Variants in COL6A1 observed in about 807,000 individuals in gnomAD.
COL6A1 encodes the protein collagen alpha-1(VI) chain.
COL6A1 carries 80 observed loss-of-function variants against 145.6 expected under a neutral mutation model. The observed-to-expected ratio is 0.55, with a 90% CI of 0.46 to 0.66. The LOEUF is 0.66. Among genes scored for constraint, COL6A1 ranks in the 30% least tolerant of loss-of-function variants. The probability of loss-of-function intolerance (pLI) is 0.00; values close to 1 mark genes in which losing one functional copy is unlikely to be tolerated. For synonymous variants in COL6A1, 638 were observed against 622.8 expected (o/e 1.02, Z -0.36); for missense variants, 1,364 against 1,473.8 (o/e 0.93, Z 1.22).
rs950115468 is a variant in COL6A1 at position 45,986,983 on chromosome 21, C to T, written c.628C>T (p.Arg210Trp). ...LSIIATDHTY[R>W]RNFTAADWGQ... Reference sequence around the variant, plus strand: ...CATCATCGCCACGGACCACACGTACCGGCGCAACTTCACGGCGGCTGACTG... The same window carrying T: ...CATCATCGCCACGGACCACACGTACTGGCGCAACTTCACGGCGGCTGACTG... The change falls in exon 5 of 35, where the codon CGG becomes TGG. Residue 210 changes from arginine to tryptophan, a missense_variant. By Grantham distance (101) the Arg-to-Trp change is moderately radical. Coordinates refer to ENST00000361866, the MANE Select transcript of COL6A1 (RefSeq NM_001848.3). 8.4e-6 allele frequency: 13 copies of T among 1,552,452 alleles called. No individual in the cohort carries two copies. The highest frequency in any genetic ancestry group is 4.8e-5 in the East Asian group (2 of 41,416).
intron 26 of COL6A1, 119 bp from the exon 27 acceptor site, chr21:45,999,538 G>A (rs1244319600): frequency 6.4e-6 from 7 of 1,098,590 alleles, no homozygotes; most frequent in East Asian, 5.0e-5. Flanking sequence ...TGGGTAGGGA[G>A]GGACCGGGCA....
At chr21:45,984,763 C>G (rs911014530) in intron 3 of COL6A1, among the ~76,000 whole-genome samples, 1 of 148,766 alleles carries the variant, frequency 6.7e-6, no homozygotes, top group Non-Finnish European at 1.5e-5. Context: ...GACAGGCAGA[C>G]AGAGACAAAC....
chr21:45,991,033 G>A lies in COL6A1; in HGVS notation c.1111G>A (p.Gly371Arg). 2 of 1,613,294 alleles carry A rather than the reference G, an allele frequency of 1.2e-6. No individual in the cohort carries two copies. Among genetic ancestry groups the A allele is most frequent in the Non-Finnish European group, 1.7e-6 (2 of 1,179,888 alleles). The change falls in exon 15 of 35, where the codon GGA becomes AGA. Residue 371 changes from glycine to arginine, a missense_variant. Physicochemically the swap from Gly to Arg is moderately radical, Grantham distance 125. Coordinates refer to ENST00000361866, the MANE Select transcript of COL6A1 (RefSeq NM_001848.3). ...AGACCCCGGTGCCTTTGGACTGAAA[G>A]GAGAAAAGGTGAGTGACTTGCGGCC... Reference protein sequence around the residue: ...KGDPGAFGLKGEKGEPGADGE... With the variant: ...KGDPGAFGLKREKGEPGADGE...
intron 2 of COL6A1, among the ~76,000 whole-genome samples, chr21:45,983,665 G>A (rs1183111795): frequency 1.3e-5 from 2 of 152,056 alleles, no homozygotes; most frequent in Non-Finnish European, 2.9e-5. Context: ...GTTTGGGGGG[G>A]GGTCTGGCTG....
rs1244961364 is a variant in COL6A1 at position 45,987,597 on chromosome 21, C to G, written c.760-13C>G. 1 of 1,612,372 alleles carries G rather than the reference C, an allele frequency of 6.2e-7. No homozygotes were observed. The highest frequency in any genetic ancestry group is 1.3e-5 in the African/African-American group (1 of 74,952). ...GTCTGGGGTCCTGGCTGACCGTCCC[C>G]TCTGCCTTGCAGCCTGCAAGAGGAC... On this transcript the variant is annotated splice_polypyrimidine_tract_variant and intron_variant, in intron 7 of 34. Coordinates refer to ENST00000361866, the MANE Select transcript of COL6A1 (RefSeq NM_001848.3).
In COL6A1 at chr21:45,994,366, C is replaced by T. The variant is rs1473325252; in HGVS notation, c.1398+137C>T. The T allele has an allele frequency of 5.5e-6, 5 of 908,420 alleles. No homozygotes were observed. The highest frequency in any genetic ancestry group is 8.6e-6 in the Non-Finnish European group (5 of 579,244). The allele number at this position is 908,420 out of a possible 1,614,324, so 56.3% of individuals were successfully genotyped here. ...TGTTTCCGTAGATCTCGGGGGTGTC[C>T]CTGCGTGGGAGCCGGCTGCAGGGGG... On this transcript the variant is annotated intron_variant, in intron 20 of 34. Coordinates refer to ENST00000361866, the MANE Select transcript of COL6A1 (RefSeq NM_001848.3). This position sits in a 1 kb window ranked among gnomAD's most constrained non-coding sequence, Gnocchi z 6.8.
chr21:45,998,158 T>C lies in COL6A1; in HGVS notation c.1562T>C (p.Phe521Ser). ...DGPAGNGTEG[F>S]PGFPGYPGNR... ...CCCGCTGGAAATGGCACCGAGGGCT[T>C]CCCCGGCTTCCCCGTAAGTGTCCGG... is the stretch of plus-strand genomic sequence containing the variant. Residue 521 changes from phenylalanine to serine, a missense_variant, in exon 23 of 35, where the codon TTC becomes TCC. Phe to Ser is a radical substitution (Grantham distance 155). Coordinates refer to ENST00000361866, the MANE Select transcript of COL6A1 (RefSeq NM_001848.3). 1.2e-6 allele frequency: 2 copies of C among 1,612,218 alleles called. No individual in the cohort carries two copies. The highest frequency in any genetic ancestry group is 4.5e-5 in the East Asian group (2 of 44,836).
rs369946755 is a variant in COL6A1, at chr21:45,987,494, C to T, written c.739-5C>T. On this transcript the variant is annotated splice_region_variant and splice_polypyrimidine_tract_variant and intron_variant, in intron 6 of 34. Coordinates refer to ENST00000361866, the MANE Select transcript of COL6A1 (RefSeq NM_001848.3). ...CTGACTCGTCTCCATGCTTTCCCCC[C>T]ACAGTGCTGCTCCTTCGAATGCCAG... The T allele has an allele frequency of 6.2e-6, 10 of 1,613,124 alleles. No homozygotes were observed. The highest frequency in any genetic ancestry group is 8.5e-6 in the Non-Finnish European group (10 of 1,180,008).
intron 1 of COL6A1, 105 bp downstream of exon 1, chr21:45,982,052 G>GCT: frequency 1.1e-6 from 1 of 948,816 alleles, no homozygotes. Context: ...CAGACTGGGG[G>GCT]CCTGGAGCCC....
intron 19 of COL6A1, 70 bp downstream of exon 19, chr21:45,992,880 C>A: frequency 7.2e-7 from 1 of 1,379,356 alleles, no homozygotes; most frequent in Non-Finnish European, 1.0e-6. Flanking sequence ...CTGGGTCAGG[C>A]CTCCAGAGCC....
At chr21:45,983,033 G>A (rs1208656235) in intron 2 of COL6A1, among the ~76,000 whole-genome samples, 1 of 149,552 alleles carries the variant, frequency 6.7e-6, no homozygotes, top group African/African-American at 2.6e-5. Flanking sequence ...GTTCAGCAGG[G>A]CCGAGGTGAC....
intron 27 of COL6A1, among the ~76,000 whole-genome samples, 184 bp from the exon 28 acceptor site, chr21:46,000,147 C>T (rs932855877): frequency 2.0e-5 from 3 of 151,170 alleles, no homozygotes; most frequent in African/African-American, 4.9e-5. Flanking sequence ...TCTATGACCA[C>T]GTCAGGGGTC....
rs1368486815 is a variant in COL6A1 at position 45,994,401 on chromosome 21, G to C, written c.1398+172G>C. Reference sequence around the variant, plus strand: ...AGCCGGCTGCAGGGGGTGAGGCGCGGCCTGGGCCGGGCTGGTGTGGATTGT... The same window carrying C: ...AGCCGGCTGCAGGGGGTGAGGCGCGCCCTGGGCCGGGCTGGTGTGGATTGT... On this transcript the variant is annotated intron_variant, in intron 20 of 34. Coordinates refer to ENST00000361866, the MANE Select transcript of COL6A1 (RefSeq NM_001848.3). The surrounding 1 kb of genome is among the most constrained non-coding windows in gnomAD (Gnocchi z 6.8). Among the ~76,000 whole-genome samples the C allele has an allele frequency of 6.6e-6, 1 of 152,164 alleles. No individual in the cohort carries two copies. The highest frequency in any genetic ancestry group is 6.5e-5 in the Admixed American group (1 of 15,290).
intron 20 of COL6A1, among the ~76,000 whole-genome samples, chr21:45,995,671 G>A (rs1342257506): frequency 6.6e-6 from 1 of 152,238 alleles, no homozygotes; most frequent in Non-Finnish European, 1.5e-5. Context: ...GGCCTCCAGG[G>A]CTGTGGGGCA....
intron 21 of COL6A1, 78 bp downstream of exon 21, chr21:45,997,561 G>C (rs947062730): frequency 3.2e-6 from 5 of 1,555,990 alleles, no homozygotes; most frequent in Non-Finnish European, 4.4e-6. Context: ...CCCAGTGCTG[G>C]CCCCGTGCCC....
chr21:45,999,665 A>G lies in COL6A1; in HGVS notation c.1749A>G (p.Pro583=). Residue 583 remains proline (P), a synonymous_variant, in exon 27 of 35, where the codon CCA becomes CCG. Transcript: ENST00000361866. ...YRGPEGPQGP[P]GHQGPPGPDE... Reference sequence around the variant, plus strand: ...CTCCGTTTCTCGGACAGGGACCCCCAGGACACCAAGGACCGCCTGGGCCGG... The same window carrying G: ...CTCCGTTTCTCGGACAGGGACCCCCGGGACACCAAGGACCGCCTGGGCCGG... 6.2e-7 allele frequency: 1 copy of G among 1,613,432 alleles called. No individual in the cohort carries two copies. The highest frequency in any genetic ancestry group is 8.5e-7 in the Non-Finnish European group (1 of 1,179,928).
At position 45,994,173 on chromosome 21, in the gene COL6A1, G is replaced by A. The variant is rs886057153; in HGVS notation, c.1342G>A (p.Ala448Thr). 1.9e-6 allele frequency: 3 copies of A among 1,602,222 alleles called. No individual in the cohort carries two copies. The highest frequency in any genetic ancestry group is 2.6e-6 in the Non-Finnish European group (3 of 1,175,586). ...TRGPRGDPGEAGPQGDQGREG... is the reference protein window; with the variant it reads ...TRGPRGDPGETGPQGDQGREG... ...ACGGCTCGTTTCTCTTCAGGGTGAA[G>A]CTGGCCCGCAGGGTGATCAGGGAAG... The change falls in exon 20 of 35, where the codon GCT (alanine) becomes ACT (threonine). Residue 448 changes from alanine (A) to threonine (T), a missense_variant. This residue lies in a region of COL6A1 where 938 missense variants were observed against 1,003.8 expected (regional missense o/e 0.93). Transcript: ENST00000361866. This position sits in a 1 kb window ranked among gnomAD's most constrained non-coding sequence, Gnocchi z 6.8.
intron 19 of COL6A1, 36 bp downstream of exon 19, chr21:45,992,846 G>A (rs765381834): frequency 3.2e-6 from 5 of 1,556,226 alleles, no homozygotes; most frequent in Non-Finnish European, 4.4e-6. Flanking sequence ...AACCACCCCA[G>A]GAAGGGGCAG....
chr21:45,999,358 T>A, intron 26 of COL6A1, 140 bp downstream of exon 26: 1 of 917,552 alleles, frequency 1.1e-6, no homozygotes, highest in Non-Finnish European at 1.7e-6. Flanking sequence ...TGGGAGGCCC[T>A]GGGGGTGGGA....
Sources: allele counts gnomAD v4.1 joint callset (sites outside exome capture counted in the v4.1 genomes callset), GRCh38; gene constraint gnomAD v4.1.1; regional missense constraint gnomAD v4.1.1; non-coding constraint Gnocchi (gnomAD v3.1); transcripts MANE v1.5; gene names NCBI Gene and HGNC (gene_info 2026-07-23, HGNC 2026-07-21).